The following PTGR2 variants were observed in gnomAD, a reference collection of about 807,000 sequenced individuals.
The protein encoded by PTGR2 is prostaglandin reductase 2.
In PTGR2, 32 loss-of-function variants were observed where a neutral mutation model predicts 43.4. That is an observed-to-expected ratio of 0.74 (90% CI 0.56 to 0.99). The LOEUF (loss-of-function observed/expected upper bound fraction) is 0.99, where lower values mean the gene tolerates loss of function less well. Ranked by LOEUF, PTGR2 falls within the 50% of genes least tolerant of loss-of-function variation. The pLI, the probability that PTGR2 is intolerant of heterozygous loss-of-function variation, is 0.00. For missense variants in PTGR2, 373 were observed against 420.0 expected, an observed-to-expected ratio of 0.89 and a Z score of 0.98; for synonymous variants, 106 against 139.2, an observed-to-expected ratio of 0.76 and a Z score of 1.68.
chr14:73,884,328 T>C lies in PTGR2; in HGVS notation c.*151T>C. On this transcript the variant is annotated 3_prime_UTR_variant, in exon 10 of 10. Coordinates refer to ENST00000555661, the MANE Select transcript of PTGR2 (RefSeq NM_001146154.2). ...TAGTTGCATAGGGTATTTGATACAA[T>C]CATTAATGGATCATACACAATAGGT... 1 of 552,174 alleles carries C rather than the reference T, an allele frequency of 1.8e-6. No individual in the cohort carries two copies. The highest frequency in any genetic ancestry group is 3.3e-5 in the East Asian group (1 of 30,720). 34.2% of individuals were successfully genotyped at this position (552,174 alleles called of 1,614,324 possible).
At position 73,857,620 on chromosome 14, in the gene PTGR2, C is replaced by CA. The variant is rs111810763; in HGVS notation, c.-47-1186dup. ...CAGAGTAAGATTCTGTCCCCCACTC[C>CA]AAAAAAAAAATTTTTTTGATTACAT... On this transcript the variant is annotated intron_variant, in intron 1 of 9. Coordinates refer to ENST00000555661, the MANE Select transcript of PTGR2 (RefSeq NM_001146154.2). 8.9e-5 allele frequency among the ~76,000 whole-genome samples: 12 copies of CA among 134,652 alleles called. 1 individual carries two copies. The highest frequency in any genetic ancestry group is 3.4e-4 in the African/African-American group (12 of 35,738). 88.3% of individuals were successfully genotyped at this position (134,652 alleles called of 152,430 possible). A position where few individuals can be genotyped will look rare whatever the true frequency, so the allele number is the denominator to read the frequency against.
In PTGR2 at chr14:73,874,170, C is replaced by A. The variant is rs1166906135; in HGVS notation, c.304C>A (p.Pro102Thr). The A allele has an allele frequency of 3.1e-6, 5 of 1,613,672 alleles. No homozygotes were observed. Among genetic ancestry groups the A allele is most frequent in the Admixed American group, 3.3e-5 (2 of 59,950 alleles). The change falls in exon 4 of 10, where the codon CCC becomes ACC. Residue 102 changes from proline to threonine, a missense_variant. Transcript: ENST00000555661. ...CGATTTTGTGACTTCTTTCTATTGG[C>A]CCTGGCAAACCAAGGTTATTCTGGA... ...KGDFVTSFYW[P>T]WQTKVILDGN...
chr14:73,877,119 C>T lies in PTGR2; in HGVS notation c.470C>T (p.Thr157Ile). 1 of 1,614,004 alleles carries T rather than the reference C, an allele frequency of 6.2e-7. No homozygotes were observed. Among genetic ancestry groups the T allele is most frequent in the Non-Finnish European group, 8.5e-7 (1 of 1,179,966 alleles). Residue 157 changes from threonine to isoleucine, a missense_variant, in exon 5 of 10, where the codon ACA becomes ATA. Coordinates refer to ENST00000555661, the MANE Select transcript of PTGR2 (RefSeq NM_001146154.2). The stretch of plus-strand genomic sequence containing the variant: ...CATATAACTGCTGGATCTAATAAGA[C>T]AATGGTTGTCAGTGGGGCCGCAGGT... ...KGHITAGSNKTMVVSGAAGAC... is the reference protein window; with the variant it reads ...KGHITAGSNKIMVVSGAAGAC...
At chr14:73,878,578 G>T in intron 5 of PTGR2, 1 of 376,338 alleles carries the variant, frequency 2.7e-6, no homozygotes, top group Non-Finnish European at 5.1e-6. Flanking sequence ...GCTGGGCAGC[G>T]GCAACAAGCT....
intron 2 of PTGR2, among the ~76,000 whole-genome samples, chr14:73,859,889 C>A (rs1295467010): frequency 6.7e-6 from 1 of 149,050 alleles, no homozygotes; most frequent in Non-Finnish European, 1.5e-5. Flanking sequence ...GACACGGAGT[C>A]TCGCTCTGTC....
chr14:73,880,235 G>A, intron 7 of PTGR2, 59 bp downstream of exon 7: 2 of 1,576,396 alleles, frequency 1.3e-6, no homozygotes, highest in Middle Eastern at 1.7e-4. Context: ...TATCATAGAT[G>A]TGTATGAAAT....
intron 9 of PTGR2, among the ~76,000 whole-genome samples, chr14:73,883,837 TA>T (rs1218108334): frequency 6.6e-6 from 1 of 152,174 alleles, no homozygotes; most frequent in Non-Finnish European, 1.5e-5. Context: ...TCAGATACTG[TA>T]AACAATGAAC....
intron 9 of PTGR2, among the ~76,000 whole-genome samples, chr14:73,883,549 G>C (rs1039079740): frequency 6.6e-6 from 1 of 151,630 alleles, no homozygotes; most frequent in Non-Finnish European, 1.5e-5. Flanking sequence ...GCAGTGGTGC[G>C]ATCATGGCTC....
chr14:73,883,376 A>ATTTTTT (rs2055048233), intron 9 of PTGR2, among the ~76,000 whole-genome samples: 1 of 135,942 alleles, frequency 7.4e-6, no homozygotes. Flanking sequence ...TTTTTTTTTA[A>ATTTTTT]TTTTCCATAG....
intron 2 of PTGR2, 42 bp downstream of exon 2, chr14:73,858,941 G>A (rs1172742035): frequency 5.2e-6 from 8 of 1,524,516 alleles, no homozygotes; most frequent in South Asian, 1.1e-5. Context: ...TCTTTGATAA[G>A]TATTAATGCA....
intron 9 of PTGR2, among the ~76,000 whole-genome samples, chr14:73,883,059 G>C (rs915137674): frequency 6.6e-6 from 1 of 151,086 alleles, no homozygotes; most frequent in South Asian, 2.1e-4. Flanking sequence ...GAATTCAAGT[G>C]ATTTGCCTGC....
intron 3 of PTGR2, among the ~76,000 whole-genome samples, chr14:73,873,443 G>A (rs186497166): frequency 1.3e-4 from 20 of 151,758 alleles, no homozygotes; most frequent in African/African-American, 4.8e-4. Flanking sequence ...CTTATGGCAA[G>A]TTTCTTTTTT....
intron 7 of PTGR2, 77 bp downstream of exon 7, chr14:73,880,253 T>C: frequency 6.6e-7 from 1 of 1,523,330 alleles, no homozygotes; most frequent in Non-Finnish European, 9.1e-7. Context: ...AATCTATTGT[T>C]CTTCATAGAC....
Position 73,874,159 on chromosome 14 carries a change from CT to C in PTGR2, c.296del (p.Phe99SerfsTer19). ...TTGACTAAAGGCGATTTTGTGACTT[CT>C]TTCTATTGGCCCTGGCAAACCAAGG... ...TNLTKGDFVT[S>X]FYWPWQTKVI... On this transcript the variant is annotated frameshift_variant, in exon 4 of 10. Transcript: ENST00000555661. 6.2e-7 allele frequency: 1 copy of C among 1,613,926 alleles called. No individual in the cohort carries two copies. Among genetic ancestry groups the C allele is most frequent in the Non-Finnish European group, 8.5e-7 (1 of 1,179,972 alleles).
chr14:73,870,183 C>G (rs1377307888), intron 3 of PTGR2, among the ~76,000 whole-genome samples: 1 of 143,028 alleles, frequency 7.0e-6, no homozygotes, highest in African/African-American at 2.6e-5. Flanking sequence ...ATAGAAAAAT[C>G]TTAAGCAACC....
chr14:73,853,468 G>T (rs1222050489), intron 1 of PTGR2, among the ~76,000 whole-genome samples: 1 of 151,806 alleles, frequency 6.6e-6, no homozygotes, highest in Non-Finnish European at 1.5e-5. Flanking sequence ...GATTACAGGC[G>T]CCCGCCACCA....
At chr14:73,877,227 A>C in intron 5 of PTGR2, 59 bp downstream of exon 5, 2 of 1,468,554 alleles carry the variant, frequency 1.4e-6, no homozygotes, top group Non-Finnish European at 1.9e-6. Context: ...ATAATTCTTA[A>C]TTGAAATTCC....
chr14:73,880,088 C>G lies in PTGR2; in HGVS notation c.763C>G (p.Gln255Glu). 1 of 1,613,650 alleles carries G rather than the reference C, an allele frequency of 6.2e-7. No individual in the cohort carries two copies. The highest frequency in any genetic ancestry group is 1.3e-5 in the African/African-American group (1 of 74,990). Reference sequence around the variant, plus strand: ...GAACAGCCACATCATCCTGTGTGGTCAAATTTCTCAGTACAACAAAGATGT... The same window carrying G: ...GAACAGCCACATCATCCTGTGTGGTGAAATTTCTCAGTACAACAAAGATGT... ...NENSHIILCG[Q>E]ISQYNKDVPY... is the part of the protein sequence containing the mutation. Residue 255 changes from glutamine to glutamate, a missense_variant, in exon 7 of 10, where the codon CAA becomes GAA. Coordinates refer to ENST00000555661, the MANE Select transcript of PTGR2 (RefSeq NM_001146154.2).
chr14:73,878,157 A>AG (rs1334477410), intron 5 of PTGR2: 1 of 152,198 alleles, frequency 6.6e-6, no homozygotes, highest in African/African-American at 2.4e-5. Flanking sequence ...AAACAAAAAA[A>AG]GAATCTTATA....
Sources: gnomAD v4.1 joint callset for allele counts (sites outside exome capture counted in the v4.1 genomes callset) on GRCh38, gnomAD v4.1.1 for gene constraint, MANE v1.5 for transcripts, NCBI Gene and HGNC (gene_info 2026-07-23, HGNC 2026-07-21) for gene names.